Variants in RNASEH2C observed in about 807,000 individuals in gnomAD.
RNASEH2C encodes the protein RNase H1 small subunit.
Under a neutral mutation model 16.3 loss-of-function variants are expected in RNASEH2C, and 20 were observed. The observed-to-expected ratio is 1.23, with a 90% CI of 0.86 to 1.79. The LOEUF (loss-of-function observed/expected upper bound fraction) is 1.79, where lower values mean the gene tolerates loss of function less well. Among genes scored for constraint, RNASEH2C ranks in the 40% most tolerant of loss-of-function variants. RNASEH2C has a pLI of 0.00. For synonymous variants in RNASEH2C, 106 were observed against 98.9 expected (o/e 1.07, Z -0.43); for missense variants, 296 against 235.9 (o/e 1.25, Z -1.67).
rs1590971698 is a variant in RNASEH2C, at chr11:65,719,572, T to C, written c.*211A>G. 6 of 650,324 alleles carry C rather than the reference T, an allele frequency of 9.2e-6. No individual in the cohort carries two copies. Among genetic ancestry groups the C allele is most frequent in the South Asian group, 1.8e-5 (1 of 56,636 alleles). The allele number at this position is 650,324 out of a possible 1,614,324, so 40.3% of individuals were successfully genotyped here. On this transcript the variant is annotated 3_prime_UTR_variant, in exon 4 of 4. Transcript: ENST00000308418. The stretch of plus-strand genomic sequence containing the variant: ...AAATTTCTGGCTTCTCTTACCCCTA[T>C]TGCCCCCGGCAATAAATTGTTTCTA...
In RNASEH2C at chr11:65,718,752, G is replaced by A; in HGVS notation, c.*1031C>T. 1 of 1,614,174 alleles carries A rather than the reference G, an allele frequency of 6.2e-7. No individual in the cohort carries two copies. Among genetic ancestry groups the A allele is most frequent in the Non-Finnish European group, 8.5e-7 (1 of 1,180,026 alleles). On this transcript the variant is annotated 3_prime_UTR_variant, in exon 4 of 4. Coordinates refer to ENST00000308418, the MANE Select transcript of RNASEH2C (RefSeq NM_032193.4). The stretch of plus-strand genomic sequence containing the variant: ...GAGAGGCCACAGATCACCATCAAGT[G>A]AGCCTGGCGCTGTCTACCTGGGGGT...
At position 65,720,404 on chromosome 11, in the gene RNASEH2C, C is replaced by T; in HGVS notation, c.186G>A (p.Ser62=). The change falls in exon 2 of 4, where the codon TCG becomes TCA. Residue 62 remains serine, a synonymous_variant. Coordinates refer to ENST00000308418, the MANE Select transcript of RNASEH2C (RefSeq NM_032193.4). ...CTCCCCGTAGACAGCGGCCCCGAAA[C>T]GACACTTCGAGTCCTGGAGCGGGAG... The part of the protein sequence containing the change: ...IRQGPEGLEV[S]FRGRCLRGEE... 1 of 1,614,016 alleles carries T rather than the reference C, an allele frequency of 6.2e-7. No individual in the cohort carries two copies. The highest frequency in any genetic ancestry group is 8.5e-7 in the Non-Finnish European group (1 of 1,180,046).
At position 65,720,747 on chromosome 11, in the gene RNASEH2C, G is replaced by A. The variant is rs1857363592; in HGVS notation, c.12C>T (p.Gly4=). MES[G]DEAAIERHRV... ...GGTGCCTCTCGATGGCCGCTTCGTC[G>A]CCGCTCTCCATCCTCCCTCCTACGC... The change falls in exon 1 of 4, where the codon GGC becomes GGT. Residue 4 remains glycine, a synonymous_variant. Coordinates refer to ENST00000308418, the MANE Select transcript of RNASEH2C (RefSeq NM_032193.4). 1 of 1,592,488 alleles carries A rather than the reference G, an allele frequency of 6.3e-7. No homozygotes were observed. Among genetic ancestry groups the A allele is most frequent in the Non-Finnish European group, 8.5e-7 (1 of 1,174,624 alleles).
At position 65,719,689 on chromosome 11, in the gene RNASEH2C, T is replaced by C. The variant is rs1857331819; in HGVS notation, c.*94A>G. 8.0e-6 allele frequency: 11 copies of C among 1,376,314 alleles called. No individual in the cohort carries two copies. Among genetic ancestry groups the C allele is most frequent in the Non-Finnish European group, 1.1e-5 (11 of 965,102 alleles). The allele number at this position is 1,376,314 out of a possible 1,614,324, so 85.3% of individuals were successfully genotyped here. ...AAGGCGCCCAGACTCACAGGTGCTG[T>C]GAAGAGCTCCTTTATTGGGGTGATG... On this transcript the variant is annotated 3_prime_UTR_variant, in exon 4 of 4. Coordinates refer to ENST00000308418, the MANE Select transcript of RNASEH2C (RefSeq NM_032193.4).
In RNASEH2C at chr11:65,719,211, G is replaced by A. The variant is rs200332583; in HGVS notation, c.*572C>T. On this transcript the variant is annotated 3_prime_UTR_variant, in exon 4 of 4. Transcript: ENST00000308418. The stretch of plus-strand genomic sequence containing the variant: ...ACACTGCCCACTGCAGTGCCAAGAC[G>A]GCAGCAGGACTGGGGCTGATAGCCC... 1,740 of 1,609,700 alleles carry A rather than the reference G, an allele frequency of 1.1e-3. 28 individuals carry two copies. In the South Asian group the frequency reaches 0.018, roughly 16 times the overall value.
intron 2 of RNASEH2C, 35 bp downstream of exon 2, chr11:65,720,207 C>G (rs767079031): frequency 6.8e-6 from 11 of 1,614,252 alleles, no homozygotes; most frequent in Non-Finnish European, 9.3e-6. Flanking sequence ...ACAGCTCCCG[C>G]CCGCACCCCC....
At position 65,718,566 on chromosome 11, in the gene RNASEH2C, C is replaced by G. The variant is rs886048490; in HGVS notation, c.*1217G>C. On this transcript the variant is annotated 3_prime_UTR_variant, in exon 4 of 4. Transcript: ENST00000308418. ...ATGTTCATCTGTGACCTCTTACTCA[C>G]CCTCTCCTGCTCCATTGCTTTAGGC... The G allele has an allele frequency of 1.9e-6, 3 of 1,604,366 alleles. No individual in the cohort carries two copies. The East Asian group carries it at 6.7e-5, about 36-fold the overall frequency.
chr11:65,718,388 C>G lies in RNASEH2C; in HGVS notation c.*1395G>C, dbSNP rs1857277986. 4 of 588,658 alleles carry G rather than the reference C, an allele frequency of 6.8e-6. No homozygotes were observed. In the East Asian group the frequency reaches 1.1e-4, roughly 16 times the overall value. The allele number at this position is 588,658 out of a possible 1,614,324, so 36.5% of individuals were successfully genotyped here. ...GCTCCTCTCAGTGCCCTCATGCCCT[C>G]CACTGTGCTCAGCGCACGGAAAGAG... On this transcript the variant is annotated 3_prime_UTR_variant, in exon 4 of 4. Coordinates refer to ENST00000308418, the MANE Select transcript of RNASEH2C (RefSeq NM_032193.4).
rs753025629 is a variant in RNASEH2C at position 65,719,998 on chromosome 11, C to T, written c.468+47G>A. 8 of 1,610,432 alleles carry T rather than the reference C, an allele frequency of 5.0e-6. No homozygotes were observed. In the African/African-American group the frequency reaches 8.0e-5, roughly 16 times the overall value. On this transcript the variant is annotated intron_variant, in intron 3 of 3. Transcript: ENST00000308418. ...AGGCTCCGTCTGCGCAATTGTGCTCCCCAGCCCATCCACCCGGGGGCAAGA... is the reference window on the plus strand; with the variant it reads ...AGGCTCCGTCTGCGCAATTGTGCTCTCCAGCCCATCCACCCGGGGGCAAGA...
chr11:65,719,606 A>G lies in RNASEH2C; in HGVS notation c.*177T>C, dbSNP rs1339049036. The G allele has an allele frequency of 2.7e-6, 2 of 730,050 alleles. No individual in the cohort carries two copies. Among genetic ancestry groups the G allele is most frequent in the Non-Finnish European group, 4.9e-6 (2 of 411,722 alleles). The allele number at this position is 730,050 out of a possible 1,614,324, so 45.2% of individuals were successfully genotyped here. A position where few individuals can be genotyped will look rare whatever the true frequency, so the allele number is the denominator to read the frequency against. Reference sequence around the variant, plus strand: ...GCAATAAATTGTTTCTATATGCCAGAGCCATGCAAAGTTCTTGGTGGGGAG... The same window carrying G: ...GCAATAAATTGTTTCTATATGCCAGGGCCATGCAAAGTTCTTGGTGGGGAG... On this transcript the variant is annotated 3_prime_UTR_variant, in exon 4 of 4. Transcript: ENST00000308418.
At position 65,719,237 on chromosome 11, in the gene RNASEH2C, AC is replaced by A; in HGVS notation, c.*545del. On this transcript the variant is annotated 3_prime_UTR_variant, in exon 4 of 4. Coordinates refer to ENST00000308418, the MANE Select transcript of RNASEH2C (RefSeq NM_032193.4). ...GCAGCAGGACTGGGGCTGATAGCCC[AC>A]CCCGCCCCCACTGCAGCTCCCACAA... The A allele has an allele frequency of 1.9e-6, 3 of 1,584,780 alleles. No homozygotes were observed. Among genetic ancestry groups the A allele is most frequent in the Non-Finnish European group, 1.7e-6 (2 of 1,164,044 alleles).
chr11:65,718,575 G>C lies in RNASEH2C; in HGVS notation c.*1208C>G. 2 of 1,611,354 alleles carry C rather than the reference G, an allele frequency of 1.2e-6. No individual in the cohort carries two copies. The highest frequency in any genetic ancestry group is 1.7e-6 in the Non-Finnish European group (2 of 1,178,182). On this transcript the variant is annotated 3_prime_UTR_variant, in exon 4 of 4. Coordinates refer to ENST00000308418, the MANE Select transcript of RNASEH2C (RefSeq NM_032193.4). ...TGTGACCTCTTACTCACCCTCTCCT[G>C]CTCCATTGCTTTAGGCTATGAACTC...
At position 65,720,611 on chromosome 11, in the gene RNASEH2C, G is replaced by A. The variant is rs1468613339; in HGVS notation, c.148C>T (p.Pro50Ser). 1.9e-6 allele frequency: 3 copies of A among 1,544,464 alleles called. No homozygotes were observed. The highest frequency in any genetic ancestry group is 2.7e-5 in the African/African-American group (2 of 73,148). ...CCCTCGGGGCCCTGGCGGATGGCGG[G>A]CGTGAAGAAGCGCCCCACCGGGGCG... ...GPAPVGRFFTPAIRQGPEGLE... is the reference protein window; with the variant it reads ...GPAPVGRFFTSAIRQGPEGLE... The change falls in exon 1 of 4, where the codon CCC becomes TCC. Residue 50 changes from proline (P) to serine (S), a missense_variant. Pro to Ser is a moderately conservative substitution (Grantham distance 74). Coordinates refer to ENST00000308418, the MANE Select transcript of RNASEH2C (RefSeq NM_032193.4).
At position 65,720,255 on chromosome 11, in the gene RNASEH2C, A is replaced by T. The variant is rs1257519556; in HGVS notation, c.335T>A (p.Leu112Gln). 1 of 1,614,214 alleles carries T rather than the reference A, an allele frequency of 6.2e-7. No homozygotes were observed. The highest frequency in any genetic ancestry group is 1.1e-5 in the South Asian group (1 of 91,082). ...SGTDDQEEEP[L>Q]ERDFDRFIGA... ...CCCTTTGCTCACGAAGTCCCGCTCC[A>T]GCGGCTCCTCCTCTTGGTCGTCAGT... is the stretch of plus-strand genomic sequence containing the variant. Residue 112 changes from leucine (L) to glutamine (Q), a missense_variant, in exon 2 of 4, where the codon CTG becomes CAG. Coordinates refer to ENST00000308418, the MANE Select transcript of RNASEH2C (RefSeq NM_032193.4).
At position 65,718,572 on chromosome 11, in the gene RNASEH2C, C is replaced by T. The variant is rs1294552087; in HGVS notation, c.*1211G>A. ...ATCTGTGACCTCTTACTCACCCTCT[C>T]CTGCTCCATTGCTTTAGGCTATGAA... is the stretch of plus-strand genomic sequence containing the variant. On this transcript the variant is annotated 3_prime_UTR_variant, in exon 4 of 4. Transcript: ENST00000308418. 6.8e-6 allele frequency: 11 copies of T among 1,611,200 alleles called. No individual in the cohort carries two copies. The highest frequency in any genetic ancestry group is 1.7e-5 in the Admixed American group (1 of 59,732).
In RNASEH2C at chr11:65,720,421, G is replaced by C. The variant is rs886048501; in HGVS notation, c.173-4C>G. ...CCCCGAAACGACACTTCGAGTCCTG[G>C]AGCGGGAGGCGCAAAGGGCCTCAGG... On this transcript the variant is annotated splice_region_variant and splice_polypyrimidine_tract_variant and intron_variant, in intron 1 of 3. Transcript: ENST00000308418. 1 of 1,613,514 alleles carries C rather than the reference G, an allele frequency of 6.2e-7. No homozygotes were observed. The highest frequency in any genetic ancestry group is 8.5e-7 in the Non-Finnish European group (1 of 1,180,028).
chr11:65,720,497 C>G (rs1186895802), intron 1 of RNASEH2C, 80 bp from the exon 2 acceptor site: 2 of 1,583,470 alleles, frequency 1.3e-6, no homozygotes, highest in East Asian at 2.3e-5. Flanking sequence ...CACCTCCGGA[C>G]GGACCACGAT....
chr11:65,720,337 C>T lies in RNASEH2C; in HGVS notation c.253G>A (p.Val85Met). ...VPPGLVGYVM[V>M]TEEKKVSMGK... ...ATCGACACCTTCTTCTCTTCTGTCACCATCACGTATCCCACGAGGCCAGGC... is the reference window on the plus strand; with the variant it reads ...ATCGACACCTTCTTCTCTTCTGTCATCATCACGTATCCCACGAGGCCAGGC... The change falls in exon 2 of 4, where the codon GTG becomes ATG. Residue 85 changes from valine to methionine, a missense_variant. Transcript: ENST00000308418. 2 of 1,614,276 alleles carry T rather than the reference C, an allele frequency of 1.2e-6. No individual in the cohort carries two copies. Among genetic ancestry groups the T allele is most frequent in the African/African-American group, 1.3e-5 (1 of 75,084 alleles).
In RNASEH2C at chr11:65,720,627, C is replaced by G. The variant is rs1167660893; in HGVS notation, c.132G>C (p.Val44=). ...GGATGGCGGGCGTGAAGAAGCGCCC[C>G]ACCGGGGCGGGCCCGTCCACCGCAA... The part of the protein sequence containing the change: ...CEVAVDGPAP[V]GRFFTPAIRQ... Residue 44 remains valine (V), a synonymous_variant, in exon 1 of 4, where the codon GTG becomes GTC. Coordinates refer to ENST00000308418, the MANE Select transcript of RNASEH2C (RefSeq NM_032193.4). The G allele has an allele frequency of 6.4e-7, 1 of 1,554,512 alleles. No homozygotes were observed. The highest frequency in any genetic ancestry group is 8.7e-7 in the Non-Finnish European group (1 of 1,153,670).
Sources: allele counts gnomAD v4.1 joint callset, GRCh38; gene constraint gnomAD v4.1.1; transcripts MANE v1.5; gene names NCBI Gene and HGNC (gene_info 2026-07-23, HGNC 2026-07-21).